Variants in ZNF786 observed in about 807,000 individuals in gnomAD.
ZNF786 encodes the protein zinc finger protein 786.
A neutral mutation model predicts 63.1 loss-of-function variants in ZNF786; 56 were observed. The observed-to-expected ratio is 0.89, with a 90% CI of 0.72 to 1.11. The LOEUF is 1.11. ZNF786 is among the 50% of genes least tolerant of loss of function. The pLI, the probability that ZNF786 is intolerant of heterozygous loss-of-function variation, is 0.00. For synonymous variants in ZNF786, 485 were observed against 406.9 expected (o/e 1.19, Z -2.31); for missense variants, 1,213 against 1,041.8 (o/e 1.16, Z -2.26).
At chr7:149,073,357 G>C (rs1825466660) in intron 3 of ZNF786, among the ~76,000 whole-genome samples, 1 of 152,124 alleles carries the variant, frequency 6.6e-6, no homozygotes, top group South Asian at 2.1e-4. Flanking sequence ...ACAGTCTCTA[G>C]TTAGGAAGGA....
intron 1 of ZNF786, chr7:149,082,500 A>C (rs184247215): frequency 1.1e-6 from 1 of 907,908 alleles, no homozygotes. Flanking sequence ...ATAAGCATAC[A>C]TCCCACCTTT....
intron 2 of ZNF786, 71 bp from the exon 3 acceptor site, chr7:149,074,609 A>C: frequency 3.3e-6 from 5 of 1,506,674 alleles, no homozygotes; most frequent in Non-Finnish European, 4.5e-6. Flanking sequence ...TAAATTTCTC[A>C]ACATTCACTC....
chr7:149,089,465 G>A (rs1235700018), intron 1 of ZNF786, among the ~76,000 whole-genome samples: 5 of 151,944 alleles, frequency 3.3e-5, no homozygotes, highest in Non-Finnish European at 5.9e-5. Context: ...ACAGGCGTCC[G>A]CCACCACACT....
intron 2 of ZNF786, among the ~76,000 whole-genome samples, chr7:149,079,135 G>A (rs1452605654): frequency 6.6e-6 from 1 of 152,196 alleles, no homozygotes; most frequent in Non-Finnish European, 1.5e-5. Flanking sequence ...CGGGCTGGGC[G>A]TGGTGGCTCA....
At chr7:149,087,049 G>T (rs535955893) in intron 1 of ZNF786, among the ~76,000 whole-genome samples, 1 of 152,050 alleles carries the variant, frequency 6.6e-6, no homozygotes, top group Non-Finnish European at 1.5e-5. Flanking sequence ...CACCTTGTTG[G>T]TCAGGCTGGT....
At position 149,075,330 on chromosome 7, in the gene ZNF786, C is replaced by T. The variant is rs532352001; in HGVS notation, c.146-792G>A. Among the ~76,000 whole-genome samples the T allele has an allele frequency of 7.9e-5, 12 of 152,120 alleles. 1 individual carries two copies. The highest frequency in any genetic ancestry group is 3.2e-3 in the Middle Eastern group (1 of 316). ...TGATCACAGCTTACTGCAGCCTCAA[C>T]CTCCTGGGCTCCAGTGATCTGCCCA... On this transcript the variant is annotated intron_variant, in intron 2 of 3. Coordinates refer to ENST00000491431, the MANE Select transcript of ZNF786 (RefSeq NM_152411.4).
At chr7:149,073,957 A>AT (rs1330148935) in intron 3 of ZNF786, among the ~76,000 whole-genome samples, 1 of 150,320 alleles carries the variant, frequency 6.7e-6, no homozygotes, top group Admixed American at 6.7e-5. Context: ...TGCCCGGCTA[A>AT]TTTTTTTGTA....
At chr7:149,086,924 C>T (rs917952150) in intron 1 of ZNF786, among the ~76,000 whole-genome samples, 1 of 151,798 alleles carries the variant, frequency 6.6e-6, no homozygotes, top group Non-Finnish European at 1.5e-5. Context: ...CAGCTCACTG[C>T]AGCCTCCACC....
intron 1 of ZNF786, among the ~76,000 whole-genome samples, chr7:149,084,351 CAAA>C (rs60194366): frequency 6.4e-5 from 4 of 62,292 alleles, no homozygotes; most frequent in South Asian, 6.1e-4. Context: ...AACTGCATCC[CAAA>C]AAAAAAAAAA....
chr7:149,075,504 C>CA (rs1366591213), intron 2 of ZNF786, among the ~76,000 whole-genome samples: 1 of 151,994 alleles, frequency 6.6e-6, no homozygotes, highest in Admixed American at 6.6e-5. Context: ...CCTGGAGTCT[C>CA]AAAGTGCTGC....
chr7:149,083,978 G>C (rs62507489), intron 1 of ZNF786, among the ~76,000 whole-genome samples: 80,604 of 152,096 alleles, frequency 0.53, 24,973 homozygotes, highest in East Asian at 0.9. Context: ...TGTGAATAGT[G>C]CTGCAATGAA....
chr7:149,080,854 C>A (rs768002405), intron 1 of ZNF786, 137 bp from the exon 2 acceptor site: 3 of 957,662 alleles, frequency 3.1e-6, no homozygotes, highest in Non-Finnish European at 4.6e-6. Flanking sequence ...TGGAGAACTA[C>A]TCCTTCCTCT....
Position 149,074,313 on chromosome 7 carries a change from G to A in ZNF786, c.298+73C>T, listed in dbSNP as rs1825502115. ...AAACCTCAGCTTGCCCAAACAGGAT[G>A]ACAAGATCAGAGAAGAGAAACAAAT... On this transcript the variant is annotated intron_variant, in intron 3 of 3. Coordinates refer to ENST00000491431, the MANE Select transcript of ZNF786 (RefSeq NM_152411.4). The A allele has an allele frequency of 4.5e-6, 7 of 1,559,020 alleles. No homozygotes were observed. The Admixed American group carries it at 9.1e-5, about 20-fold the overall frequency.
chr7:149,080,714 G>A lies in ZNF786; in HGVS notation c.22C>T (p.Pro8Ser). ...ATAGCAACATCCTCAAAAGTCAGAG[G>A]TAGCTGAAATTGTAGACATAAGACA... MAEPPRL[P>S]LTFEDVAIYF... Residue 8 changes from proline (P) to serine (S), a missense_variant, in exon 2 of 4, where the codon CCT becomes TCT. Coordinates refer to ENST00000491431, the MANE Select transcript of ZNF786 (RefSeq NM_152411.4). The A allele has an allele frequency of 6.2e-7, 1 of 1,603,538 alleles. No homozygotes were observed. Among genetic ancestry groups the A allele is most frequent in the Non-Finnish European group, 8.5e-7 (1 of 1,176,914 alleles).
At chr7:149,087,966 G>C (rs1825763941) in intron 1 of ZNF786, among the ~76,000 whole-genome samples, 1 of 148,910 alleles carries the variant, frequency 6.7e-6, no homozygotes, top group Non-Finnish European at 1.5e-5. Context: ...ATTTTCTGTA[G>C]AGAGGGGTCT....
At chr7:149,081,371 G>A (rs1825648997) in intron 1 of ZNF786, among the ~76,000 whole-genome samples, 2 of 149,288 alleles carry the variant, frequency 1.3e-5, no homozygotes, top group African/African-American at 5.0e-5. Context: ...AGGAGGCAGA[G>A]GTTGCAGTGA....
chr7:149,073,745 GTGTA>G (rs1431729201), intron 3 of ZNF786, among the ~76,000 whole-genome samples: 205 of 67,716 alleles, frequency 3.0e-3, no homozygotes, highest in Non-Finnish European at 3.5e-3. Context: ...GTGTGTGTGT[GTGTA>G]TATATATATA....
At chr7:149,085,537 G>A (rs1039971196) in intron 1 of ZNF786, among the ~76,000 whole-genome samples, 10 of 152,132 alleles carry the variant, frequency 6.6e-5, no homozygotes, top group African/African-American at 1.9e-4. Context: ...GGCTGGTCTC[G>A]AACTCCTGGC....
At chr7:149,083,334 A>G (rs1208445708) in intron 1 of ZNF786, among the ~76,000 whole-genome samples, 1 of 151,844 alleles carries the variant, frequency 6.6e-6, no homozygotes, top group East Asian at 1.9e-4. Context: ...CTCCTACCTC[A>G]GCCTCCCAAG....
Sources: allele counts gnomAD v4.1 joint callset (sites outside exome capture counted in the v4.1 genomes callset), GRCh38; gene constraint gnomAD v4.1.1; transcripts MANE v1.5; gene names NCBI Gene and HGNC (gene_info 2026-07-23, HGNC 2026-07-21).